Variants in MTPN observed in about 807,000 individuals in gnomAD.
MTPN encodes the protein myotrophin.
Under a neutral mutation model 13.5 loss-of-function variants are expected in MTPN, and 2 were observed. The observed-to-expected ratio is 0.15, with a 90% CI of 0.06 to 0.47. The LOEUF (loss-of-function observed/expected upper bound fraction) is 0.47, where lower values mean the gene tolerates loss of function less well. Ranked by LOEUF, MTPN falls within the 20% of genes least tolerant of loss-of-function variation. The probability of loss-of-function intolerance (pLI) is 0.97; values close to 1 mark genes in which losing one functional copy is unlikely to be tolerated. For missense variants in MTPN, 79 were observed against 137.9 expected (o/e 0.57, Z 2.14); for synonymous variants, 46 against 51.7 (o/e 0.89, Z 0.48).
intron 2 of MTPN, 126 bp from the exon 3 acceptor site, chr7:135,950,808 C>A: frequency 1.4e-6 from 1 of 739,528 alleles, no homozygotes; most frequent in South Asian, 1.8e-5. Flanking sequence ...ATCAATCAAT[C>A]CACAGAGTCA....
chr7:135,974,681 A>C (rs1301930391), intron 1 of MTPN, among the ~76,000 whole-genome samples: 2 of 152,250 alleles, frequency 1.3e-5, no homozygotes, highest in African/African-American at 4.8e-5. Flanking sequence ...GAGAATGAAG[A>C]CTAGACAGGT....
At position 135,977,302 on chromosome 7, in the gene MTPN, C is replaced by T; in HGVS notation, c.-202G>A. The T allele has an allele frequency of 1.6e-6, 1 of 606,444 alleles. No homozygotes were observed. Among genetic ancestry groups the T allele is most frequent in the Non-Finnish European group, 2.9e-6 (1 of 339,746 alleles). The allele number at this position is 606,444 out of a possible 1,614,324, so 37.6% of individuals were successfully genotyped here. On this transcript the variant is annotated 5_prime_UTR_variant, in exon 1 of 4. Coordinates refer to ENST00000393085, the MANE Select transcript of MTPN (RefSeq NM_145808.4). ...GGGAGAAAGAAAGTTCTTTTGCGGCCACCGGGCCCAGCAGAGAGGTTCCGC... is the reference window on the plus strand; with the variant it reads ...GGGAGAAAGAAAGTTCTTTTGCGGCTACCGGGCCCAGCAGAGAGGTTCCGC...
chr7:135,951,685 T>A, intron 1 of MTPN, 55 bp from the exon 2 acceptor site: 1 of 1,133,810 alleles, frequency 8.8e-7, no homozygotes, highest in Non-Finnish European at 1.3e-6. Context: ...ACTGAAGAAG[T>A]GAAATGAGGC....
intron 1 of MTPN, among the ~76,000 whole-genome samples, chr7:135,968,463 T>G (rs192479791): frequency 3.4e-4 from 52 of 152,236 alleles, no homozygotes; most frequent in African/African-American, 1.2e-3. Flanking sequence ...GCTTCTAAGC[T>G]TATCAGAATT....
In MTPN at chr7:135,955,503, G is replaced by A. The variant is rs542782001; in HGVS notation, c.73-3873C>T. Reference sequence around the variant, plus strand: ...CTGTGAATTCTACCAGACATTTAAGGGAAGAAATAATACCAATTCTACCCA... The same window carrying A: ...CTGTGAATTCTACCAGACATTTAAGAGAAGAAATAATACCAATTCTACCCA... On this transcript the variant is annotated intron_variant, in intron 1 of 3. Coordinates refer to ENST00000393085, the MANE Select transcript of MTPN (RefSeq NM_145808.4). 1.3e-3 allele frequency among the ~76,000 whole-genome samples: 193 copies of A among 152,230 alleles called. 1 individual carries two copies. The highest frequency in any genetic ancestry group is 4.5e-3 in the African/African-American group (189 of 41,554).
chr7:135,955,537 G>A (rs866999730), intron 1 of MTPN, among the ~76,000 whole-genome samples: 2 of 152,114 alleles, frequency 1.3e-5, no homozygotes, highest in South Asian at 2.1e-4. Context: ...CACTCTTCCC[G>A]AAAATGGAAG....
chr7:135,970,069 G>A (rs546532549), intron 1 of MTPN, among the ~76,000 whole-genome samples: 3 of 152,204 alleles, frequency 2.0e-5, no homozygotes, highest in East Asian at 1.9e-4. Context: ...AGGTGATCAC[G>A]ACAATCCTGT....
At chr7:135,947,352 T>A (rs952496737) in intron 3 of MTPN, among the ~76,000 whole-genome samples, 2 of 152,148 alleles carry the variant, frequency 1.3e-5, no homozygotes, top group Non-Finnish European at 2.9e-5. Flanking sequence ...TCTTTGGCCC[T>A]ACCCTGCTTG....
intron 1 of MTPN, among the ~76,000 whole-genome samples, chr7:135,966,729 C>T (rs534443137): frequency 1.1e-4 from 16 of 152,248 alleles, no homozygotes; most frequent in African/African-American, 3.9e-4. Context: ...TCTAGATAGA[C>T]GCATCCAATT....
chr7:135,949,415 C>T (rs1006133896), intron 3 of MTPN, among the ~76,000 whole-genome samples: 3 of 152,190 alleles, frequency 2.0e-5, no homozygotes, highest in Middle Eastern at 3.4e-3. Context: ...GATCCACTAG[C>T]GGCAAAGAGT....
At chr7:135,961,291 G>A (rs1030857106) in intron 1 of MTPN, among the ~76,000 whole-genome samples, 7 of 149,564 alleles carry the variant, frequency 4.7e-5, no homozygotes, top group African/African-American at 1.7e-4. Context: ...AGAACTCACT[G>A]TATTGTAGGC....
At chr7:135,960,511 G>A (rs1799504293) in intron 1 of MTPN, among the ~76,000 whole-genome samples, 1 of 151,868 alleles carries the variant, frequency 6.6e-6, no homozygotes. Context: ...CCCTAAATCT[G>A]AATAGTATTT....
intron 2 of MTPN, 131 bp from the exon 3 acceptor site, chr7:135,950,813 G>C: frequency 1.4e-6 from 1 of 715,146 alleles, no homozygotes; most frequent in East Asian, 2.6e-5. Context: ...TCAATCCACA[G>C]AGTCAAGTGT....
intron 3 of MTPN, among the ~76,000 whole-genome samples, chr7:135,938,773 T>G (rs1200233176): frequency 1.3e-5 from 2 of 152,136 alleles, no homozygotes; most frequent in East Asian, 3.8e-4. Context: ...ATGACTATAG[T>G]AAGAAAGAAA....
chr7:135,976,515 T>A (rs973847641), intron 1 of MTPN, among the ~76,000 whole-genome samples: 9 of 151,404 alleles, frequency 5.9e-5, no homozygotes, highest in Non-Finnish European at 1.3e-4. Flanking sequence ...AGTTTCAGAA[T>A]TTTAACTATT....
chr7:135,933,524 G>A (rs961965820), intron 3 of MTPN, among the ~76,000 whole-genome samples: 2 of 151,830 alleles, frequency 1.3e-5, no homozygotes, highest in Non-Finnish European at 2.9e-5. Flanking sequence ...TTTATATTCT[G>A]GTCTGTAAAA....
At position 135,941,326 on chromosome 7, in the gene MTPN, A is replaced by G. The variant is rs146381098; in HGVS notation, c.270+9273T>C. 4.5e-3 allele frequency among the ~76,000 whole-genome samples: 570 copies of G among 126,782 alleles called. 5 individuals carry two copies. The highest frequency in any genetic ancestry group is 0.015 in the African/African-American group (539 of 35,882). 83.2% of individuals were successfully genotyped at this position (126,782 alleles called of 152,430 possible). On this transcript the variant is annotated intron_variant, in intron 3 of 3. Transcript: ENST00000393085. ...AGTTACAGAACCAGGCCTTAAATCTAGGTTTACTAACTTCATTGCCAAGCT... is the reference window on the plus strand; with the variant it reads ...AGTTACAGAACCAGGCCTTAAATCTGGGTTTACTAACTTCATTGCCAAGCT...
intron 2 of MTPN, among the ~76,000 whole-genome samples, chr7:135,950,947 A>G (rs562964081): frequency 1.3e-5 from 2 of 152,168 alleles, no homozygotes; most frequent in East Asian, 3.9e-4. Flanking sequence ...GCCACTTACT[A>G]TGGTACTATT....
intron 1 of MTPN, among the ~76,000 whole-genome samples, chr7:135,972,204 TACACACGCGCACAC>T (rs1381497851): frequency 7.0e-5 from 9 of 129,186 alleles, no homozygotes; most frequent in African/African-American, 2.7e-4. Context: ...TGGTTATAAA[TACACACGCGCACAC>T]GCGCACGCGC....
Sources: gnomAD v4.1 joint callset for allele counts (sites outside exome capture counted in the v4.1 genomes callset) on GRCh38, gnomAD v4.1.1 for gene constraint, MANE v1.5 for transcripts, NCBI Gene and HGNC (gene_info 2026-07-23, HGNC 2026-07-21) for gene names.